CCDC14: variants seen among roughly 807,000 people sequenced by gnomAD.
The protein encoded by CCDC14 is coiled-coil domain containing 14, also known as coiled-coil domain-containing protein 14.
In CCDC14, 71 loss-of-function variants were observed where a neutral mutation model predicts 81.4. That is an observed-to-expected ratio of 0.87 (90% CI 0.72 to 1.06). The LOEUF is 1.06. CCDC14 is among the 50% of genes least tolerant of loss of function. The probability of loss-of-function intolerance (pLI) is 0.00; values close to 1 mark genes in which losing one functional copy is unlikely to be tolerated. For missense variants in CCDC14, 1,046 were observed against 1,047.3 expected (o/e 1.00, Z 0.02); for synonymous variants, 332 against 364.8 (o/e 0.91, Z 1.03).
chr3:123,913,909 C>T lies in CCDC14; in HGVS notation c.*870G>A, dbSNP rs2034518429. On this transcript the variant is annotated 3_prime_UTR_variant, in exon 13 of 13. Coordinates refer to ENST00000409697, the MANE Select transcript of CCDC14 (RefSeq NM_001366335.1). ...TCCTGGTATAGAGAAGCAGAGAGAC[C>T]AACCTACTTCATATTATTTATAAAA... The T allele has an allele frequency of 1.0e-6, 1 of 984,920 alleles. No individual in the cohort carries two copies. Among genetic ancestry groups the T allele is most frequent in the Admixed American group, 6.2e-5 (1 of 16,240 alleles). 61.0% of individuals were successfully genotyped at this position (984,920 alleles called of 1,614,324 possible).
At chr3:123,912,357 G>C (rs2034467318), downstream of CCDC14, among the ~76,000 whole-genome samples, 1 of 152,160 alleles carries the variant, frequency 6.6e-6, no homozygotes, top group Non-Finnish European at 1.5e-5. Flanking sequence ...ATGATCTAAA[G>C]ACGACGACTG....
intron 12 of CCDC14, among the ~76,000 whole-genome samples, chr3:123,922,749 GA>G (rs2035127078): frequency 6.6e-6 from 1 of 152,038 alleles, no homozygotes; most frequent in African/African-American, 2.4e-5. Context: ...CCCAGGACAA[GA>G]CAGCTTTATA....
rs1314509929 is a variant in CCDC14 at position 123,915,211 on chromosome 3, T to G, written c.2286A>C (p.Leu762=). 7 of 1,613,794 alleles carry G rather than the reference T, an allele frequency of 4.3e-6. No homozygotes were observed. Among genetic ancestry groups the G allele is most frequent in the Non-Finnish European group, 5.9e-6 (7 of 1,179,734 alleles). ...AGACAGCAAGTCCGCTGTTGCTGAC[T>G]AGCTGTGTTGTAGCTGCTCTTATTT... The part of the protein sequence containing the change: ...QPQIRAATTQ[L]VSNSGLAVSG... The change falls in exon 13 of 13, where the codon CTA becomes CTC. Residue 762 remains leucine, a synonymous_variant. Coordinates refer to ENST00000409697, the MANE Select transcript of CCDC14 (RefSeq NM_001366335.1).
At chr3:123,890,742 C>T in the CCDC14 span, among the ~76,000 whole-genome samples, 8 of 152,194 alleles carry the variant, frequency 5.3e-5, no homozygotes, top group East Asian at 1.9e-4. Context: ...GTTTTCCAGG[C>T]GAATGGTGCA....
chr3:123,914,735 G>A lies in CCDC14; in HGVS notation c.*44C>T, dbSNP rs1275110497. 6.8e-6 allele frequency: 10 copies of A among 1,465,850 alleles called. No homozygotes were observed. The highest frequency in any genetic ancestry group is 9.0e-6 in the Non-Finnish European group (10 of 1,110,766). 90.8% of individuals were successfully genotyped at this position (1,465,850 alleles called of 1,614,324 possible). A position where few individuals can be genotyped will look rare whatever the true frequency, so the allele number is the denominator to read the frequency against. ...AAAAATACACATTCAATATAGCCAA[G>A]TTCTAGTTTTAAAAAGAAGCACCTG... On this transcript the variant is annotated 3_prime_UTR_variant, in exon 13 of 13. Transcript: ENST00000409697.
At position 123,948,734 on chromosome 3, in the gene CCDC14, A is replaced by G; in HGVS notation, c.641T>C (p.Val214Ala). The G allele has an allele frequency of 6.2e-7, 1 of 1,603,364 alleles. No individual in the cohort carries two copies. The highest frequency in any genetic ancestry group is 8.5e-7 in the Non-Finnish European group (1 of 1,177,398). The stretch of plus-strand genomic sequence containing the variant: ...GCAGGGTGGCCGCTGAAGTGACCAG[A>G]CTGGGGTGGAGGTACATAAGCCATA... ...SSYGLCTSTP[V>A]WSLQRPPCPP... The change falls in exon 7 of 13, where the codon GTC becomes GCC. Residue 214 changes from valine to alanine, a missense_variant. Physicochemically the swap from Val to Ala is moderately conservative, Grantham distance 64. Transcript: ENST00000409697.
At chr3:123,940,158 C>CA (rs1184534670) in intron 9 of CCDC14, among the ~76,000 whole-genome samples, 2 of 151,476 alleles carry the variant, frequency 1.3e-5, no homozygotes, top group African/African-American at 2.4e-5. Flanking sequence ...CCTAAAAGCC[C>CA]AAAAAACAAC....
At chr3:123,946,133 T>A (rs76483803) in intron 8 of CCDC14, among the ~76,000 whole-genome samples, 1 of 115,490 alleles carries the variant, frequency 8.7e-6, no homozygotes, top group East Asian at 6.3e-4. Context: ...CATTTTAAGA[T>A]TTTTTTTTTT....
At chr3:123,943,155 T>C (rs910211959) in intron 9 of CCDC14, among the ~76,000 whole-genome samples, 5 of 151,956 alleles carry the variant, frequency 3.3e-5, no homozygotes, top group African/African-American at 1.2e-4. Context: ...CACATACATA[T>C]ATATATATGT....
chr3:123,950,796 A>T (rs1464801286), intron 5 of CCDC14, among the ~76,000 whole-genome samples: 2 of 152,192 alleles, frequency 1.3e-5, no homozygotes, highest in Non-Finnish European at 2.9e-5. Context: ...TTAATTTTTT[A>T]AAAAACAAAA....
intron 12 of CCDC14, among the ~76,000 whole-genome samples, chr3:123,918,334 T>TAA (rs923972503): frequency 1.3e-5 from 2 of 152,214 alleles, no homozygotes; most frequent in African/African-American, 4.8e-5. Flanking sequence ...TCTCTATTTT[T>TAA]AAAAAATGCC....
chr3:123,926,633 G>T (rs530155561), intron 12 of CCDC14, among the ~76,000 whole-genome samples: 2 of 147,186 alleles, frequency 1.4e-5, no homozygotes, highest in East Asian at 4.3e-4. Flanking sequence ...ACATTTTAAT[G>T]GTTTTATAAC....
At chr3:123,948,030 T>C (rs1310173830) in intron 7 of CCDC14, among the ~76,000 whole-genome samples, 1 of 152,084 alleles carries the variant, frequency 6.6e-6, no homozygotes, top group Non-Finnish European at 1.5e-5. Context: ...TATAACTTTA[T>C]TTTAAAAGGA....
downstream of CCDC14, among the ~76,000 whole-genome samples, chr3:123,909,137 C>A (rs998906836): frequency 6.6e-6 from 1 of 152,024 alleles, no homozygotes; most frequent in Non-Finnish European, 1.5e-5. Flanking sequence ...TCTCTTACCC[C>A]ACTCTGGGCC....
intron 9 of CCDC14, among the ~76,000 whole-genome samples, chr3:123,940,008 G>T (rs890740749): frequency 6.6e-6 from 1 of 151,262 alleles, no homozygotes; most frequent in Non-Finnish European, 1.5e-5. Context: ...AAAATAAAAA[G>T]GTAAATATTA....
chr3:123,929,918 C>T (rs549514530), intron 12 of CCDC14, among the ~76,000 whole-genome samples: 1 of 152,280 alleles, frequency 6.6e-6, no homozygotes, highest in Admixed American at 6.5e-5. Flanking sequence ...AAAATTCTCA[C>T]CACAAAATTA....
intron 12 of CCDC14, among the ~76,000 whole-genome samples, chr3:123,927,458 T>G (rs568758048): frequency 2.0e-5 from 3 of 152,136 alleles, no homozygotes; most frequent in Admixed American, 2.0e-4. Flanking sequence ...TGAACGTACT[T>G]AGAATTTTGA....
chr3:123,952,573 G>C (rs983235161), intron 5 of CCDC14: 1 of 524,776 alleles, frequency 1.9e-6, no homozygotes, highest in Non-Finnish European at 4.0e-6. Flanking sequence ...CTTAGTCCCA[G>C]AATGCATCAT....
Position 123,913,967 on chromosome 3 carries a change from A to C in CCDC14, c.*812T>G, listed in dbSNP as rs996020831. The C allele has an allele frequency of 1.0e-6, 1 of 985,554 alleles. No individual in the cohort carries two copies. The highest frequency in any genetic ancestry group is 1.7e-5 in the African/African-American group (1 of 57,234). The allele number at this position is 985,554 out of a possible 1,614,324, so 61.1% of individuals were successfully genotyped here. ...TATTCTCAGCTAACATGCTGGGAGA[A>C]AAAATTCTTCCAAAAAGGCAGAATT... On this transcript the variant is annotated 3_prime_UTR_variant, in exon 13 of 13. Transcript: ENST00000409697.
Sources: gnomAD v4.1 joint callset for allele counts (sites outside exome capture counted in the v4.1 genomes callset) on GRCh38, gnomAD v4.1.1 for gene constraint, MANE v1.5 for transcripts, NCBI Gene and HGNC (gene_info 2026-07-23, HGNC 2026-07-21) for gene names.